The following TF variants were observed in gnomAD, a reference collection of about 807,000 sequenced individuals.
The protein encoded by TF is transferrin.
A neutral mutation model predicts 82.4 loss-of-function variants in TF; 55 were observed. That is an observed-to-expected ratio of 0.67 (90% CI 0.54 to 0.84). TF has a LOEUF of 0.84. TF is among the 40% of genes least tolerant of loss of function. The pLI is 0.00. For missense variants in TF, 737 were observed against 868.4 expected, an observed-to-expected ratio of 0.85 and a Z score of 1.90; for synonymous variants, 332 against 332.6, an observed-to-expected ratio of 1.00 and a Z score of 0.02.
chr3:133,744,687 A>G (rs1933457160), upstream of TF, among the ~76,000 whole-genome samples: 1 of 152,184 alleles, frequency 6.6e-6, no homozygotes, highest in Non-Finnish European at 1.5e-5. Flanking sequence ...ATGTGTTGGG[A>G]AAGCCAGACT....
intron 13 of TF, among the ~76,000 whole-genome samples, chr3:133,769,531 G>A (rs1934209135): frequency 1.3e-5 from 2 of 152,260 alleles, no homozygotes; most frequent in South Asian, 4.1e-4. Context: ...GAAGTAAAAT[G>A]TACCAGACTG....
chr3:133,711,406 C>A, the TF span, among the ~76,000 whole-genome samples: 1 of 152,170 alleles, frequency 6.6e-6, no homozygotes, highest in African/African-American at 2.4e-5. Flanking sequence ...ATGGATATCT[C>A]AAAAGCACAC....
intron 14 of TF, chr3:133,772,833 A>G (rs1433704960): frequency 1.3e-5 from 2 of 152,240 alleles, no homozygotes; most frequent in African/African-American, 4.8e-5. Flanking sequence ...CTGACTTAAT[A>G]TCACATTCCT....
chr3:133,679,504 A>G, the TF span, among the ~76,000 whole-genome samples: 10 of 149,790 alleles, frequency 6.7e-5, no homozygotes, highest in African/African-American at 2.2e-4. Flanking sequence ...GCCACTATAG[A>G]TAAGTTTCGT....
At chr3:133,777,426 G>A in intron 16 of TF, 188 bp downstream of exon 16, 1 of 607,734 alleles carries the variant, frequency 1.6e-6, no homozygotes, top group Non-Finnish European at 2.9e-6. Context: ...GATAGTAAGG[G>A]GATACAGGCT....
chr3:133,682,898 A>G, the TF span, among the ~76,000 whole-genome samples: 2 of 152,224 alleles, frequency 1.3e-5, no homozygotes, highest in African/African-American at 4.8e-5. Flanking sequence ...TCCAAGACAC[A>G]TAATTGTCAG....
At chr3:133,765,018 A>T (rs1934092939) in intron 11 of TF, 111 bp downstream of exon 11, 4 of 1,033,108 alleles carry the variant, frequency 3.9e-6, no homozygotes, top group South Asian at 1.3e-5. Flanking sequence ...ACCAATTTTC[A>T]CAATGCGAGA....
At position 133,754,683 on chromosome 3, in the gene TF, G is replaced by A. The variant is rs201033555; in HGVS notation, c.502+12G>A. 221 of 1,613,962 alleles carry A rather than the reference G, an allele frequency of 1.4e-4. No homozygotes were observed. Among genetic ancestry groups the A allele is most frequent in the Non-Finnish European group, 1.8e-4 (218 of 1,180,018 alleles). On this transcript the variant is annotated intron_variant, in intron 4 of 16. Coordinates refer to ENST00000402696, the MANE Select transcript of TF (RefSeq NM_001063.4). ...ACCTCTTGAGAAAGGTAAGCTGGCA[G>A]GAGTCTGGGTGCCCTCGAGCAGCTG... is the stretch of plus-strand genomic sequence containing the variant.
chr3:133,711,960 C>G, the TF span, among the ~76,000 whole-genome samples: 2 of 151,920 alleles, frequency 1.3e-5, no homozygotes, highest in Non-Finnish European at 2.9e-5. Context: ...ATGCTGGTCC[C>G]CTGTCTGGAG....
In TF at chr3:133,768,111, C is replaced by A. The variant is rs1934170488; in HGVS notation, c.1569C>A (p.Asn523Lys). 6.2e-7 allele frequency: 1 copy of A among 1,614,192 alleles called. No individual in the cohort carries two copies. ...AGCTGTGTATGGGCTCAGGCCTAAA[C>A]CTGTGTGAACCCAACAACAAAGAGG... ...LCKLCMGSGL[N>K]LCEPNNKEGY... Residue 523 changes from asparagine (N) to lysine (K), a missense_variant, in exon 13 of 17, where the codon AAC becomes AAA. By Grantham distance (94) the Asn-to-Lys change is moderately conservative. Coordinates refer to ENST00000402696, the MANE Select transcript of TF (RefSeq NM_001063.4).
chr3:133,756,443 C>G, intron 6 of TF, 106 bp downstream of exon 6: 2 of 1,287,646 alleles, frequency 1.6e-6, no homozygotes, highest in Non-Finnish European at 1.1e-6. Flanking sequence ...TACTGTATTT[C>G]TCCTTTATCA....
the TF span, chr3:133,701,959 G>A: frequency 1.3e-5 from 2 of 153,274 alleles, no homozygotes; most frequent in African/African-American, 2.4e-5. Context: ...TCCCCAGGGT[G>A]CGGTGGTGCG....
chr3:133,763,526 T>G (rs961185748), intron 9 of TF, among the ~76,000 whole-genome samples: 3 of 152,260 alleles, frequency 2.0e-5, no homozygotes, highest in Non-Finnish European at 2.9e-5. Context: ...CTGTTATTTT[T>G]GCCCACTTAC....
chr3:133,689,189 C>T, the TF span, among the ~76,000 whole-genome samples: 1,535 of 151,980 alleles, frequency 0.01, 29 homozygotes, highest in African/African-American at 0.035. Flanking sequence ...AAAAATTAGC[C>T]GGGCATGGTG....
the TF span, among the ~76,000 whole-genome samples, chr3:133,726,976 T>C: frequency 0.59 from 89,037 of 151,756 alleles, 26,659 homozygotes; most frequent in East Asian, 0.76. Context: ...TTTTGAGTGA[T>C]TTTCTTAATC....
chr3:133,731,109 T>C, the TF span, among the ~76,000 whole-genome samples: 1 of 152,226 alleles, frequency 6.6e-6, no homozygotes, highest in Admixed American at 6.5e-5. Flanking sequence ...ATCTTCTTTT[T>C]CCATGGACCC....
At chr3:133,725,556 G>A in the TF span, among the ~76,000 whole-genome samples, 13 of 151,966 alleles carry the variant, frequency 8.6e-5, no homozygotes, top group Non-Finnish European at 1.6e-4. Context: ...GAGATTTTGG[G>A]CTGAGACAAT....
At chr3:133,721,427 A>G in the TF span, among the ~76,000 whole-genome samples, 1 of 152,174 alleles carries the variant, frequency 6.6e-6, no homozygotes, top group South Asian at 2.1e-4. Flanking sequence ...TTTTAGTTGT[A>G]TACCATTGTG....
chr3:133,686,347 T>C, the TF span, among the ~76,000 whole-genome samples: 1 of 152,090 alleles, frequency 6.6e-6, no homozygotes, highest in Non-Finnish European at 1.5e-5. Context: ...CATTGACAAA[T>C]GGGATCTAAT....
Sources: allele counts gnomAD v4.1 joint callset (sites outside exome capture counted in the v4.1 genomes callset), GRCh38; gene constraint gnomAD v4.1.1; transcripts MANE v1.5; gene names NCBI Gene and HGNC (gene_info 2026-07-23, HGNC 2026-07-21).